The following R3HDM2 variants were observed in gnomAD, a reference collection of about 807,000 sequenced individuals.
R3HDM2 encodes R3H domain containing 2, also known as R3H domain-containing protein 2.
Under a neutral mutation model 124.5 loss-of-function variants are expected in R3HDM2, and 38 were observed. The ratio of observed to expected loss-of-function variants is 0.31; its 90% CI spans 0.24 to 0.40. The LOEUF is 0.40. Among genes scored for constraint, R3HDM2 ranks in the 10% least tolerant of loss-of-function variants. The probability of loss-of-function intolerance (pLI) is 1.00; values close to 1 mark genes in which losing one functional copy is unlikely to be tolerated. For synonymous variants in R3HDM2, 391 were observed against 448.0 expected (o/e 0.87, Z 1.61); for missense variants, 869 against 1,236.9 (o/e 0.70, Z 4.46).
intron 3 of R3HDM2, among the ~76,000 whole-genome samples, chr12:57,309,200 C>T (rs1412217794): frequency 6.6e-6 from 1 of 152,026 alleles, no homozygotes; most frequent in East Asian, 1.9e-4. Context: ...GTTTCCAGAC[C>T]CTCTAAAATG....
intron 3 of R3HDM2, 31 bp downstream of exon 3, chr12:57,310,233 A>G: frequency 3.4e-6 from 4 of 1,166,234 alleles, no homozygotes; most frequent in African/African-American, 3.2e-5. Context: ...AAAAAAAAAA[A>G]GTGTGCATAC....
rs553697541 is a variant in R3HDM2 at position 57,423,638 on chromosome 12, C to A, written c.-106+7082G>T. Among the ~76,000 whole-genome samples the A allele has an allele frequency of 6.1e-3, 918 of 151,432 alleles. 11 individuals carry two copies. The highest frequency in any genetic ancestry group is 0.021 in the African/African-American group (873 of 41,250). ...ACCACCCTGGCCAACATGGTGAAAC[C>A]CCATCTCTACTAAAAATACAAAAAT... On this transcript the variant is annotated intron_variant, in intron 1 of 23. Coordinates refer to ENST00000402412, the MANE Select transcript of R3HDM2 (RefSeq NM_001394031.1).
rs1479080073 is a variant in R3HDM2, at chr12:57,404,479, C to T, written c.-105-8661G>A. Among the ~76,000 whole-genome samples the T allele has an allele frequency of 5.3e-5, 8 of 150,886 alleles. No homozygotes were observed. The Middle Eastern group carries it at 0.011, about 201-fold the overall frequency. On this transcript the variant is annotated intron_variant, in intron 1 of 23. Transcript: ENST00000402412. ...TTGGGAGGCCGAGGAGGGCAGATCA[C>T]GAGGTCAAGAGATCGAGACCATCCT...
At chr12:57,412,256 T>C (rs1482502751) in intron 1 of R3HDM2, among the ~76,000 whole-genome samples, 3 of 151,958 alleles carry the variant, frequency 2.0e-5, no homozygotes, top group Non-Finnish European at 4.4e-5. Flanking sequence ...AAACACAAAG[T>C]ATTGGCCGGG....
At position 57,372,749 on chromosome 12, in the gene R3HDM2, C is replaced by T. The variant is rs564426188; in HGVS notation, c.-36+23000G>A. ...CAATTTAGACTTCTACTAATTATGCCTCTAGTACTGAGATAGCACTCAATA... is the reference window on the plus strand; with the variant it reads ...CAATTTAGACTTCTACTAATTATGCTTCTAGTACTGAGATAGCACTCAATA... On this transcript the variant is annotated intron_variant, in intron 2 of 23. Coordinates refer to ENST00000402412, the MANE Select transcript of R3HDM2 (RefSeq NM_001394031.1). 7.2e-5 allele frequency among the ~76,000 whole-genome samples: 11 copies of T among 152,294 alleles called. No homozygotes were observed. In the South Asian group the frequency reaches 2.3e-3, roughly 32 times the overall value.
chr12:57,384,643 A>C (rs2065432722), intron 2 of R3HDM2, among the ~76,000 whole-genome samples: 1 of 152,218 alleles, frequency 6.6e-6, no homozygotes, highest in African/African-American at 2.4e-5. Flanking sequence ...TGGAGAAATG[A>C]ATGGCTTGAG....
At chr12:57,386,797 A>G (rs1304817682) in intron 2 of R3HDM2, among the ~76,000 whole-genome samples, 1 of 151,986 alleles carries the variant, frequency 6.6e-6, no homozygotes, top group Non-Finnish European at 1.5e-5. Context: ...ACCAATCAGC[A>G]CTCTGTATCT....
In R3HDM2 at chr12:57,296,691, T is replaced by G; in HGVS notation, c.561-140A>C. On this transcript the variant is annotated intron_variant, in intron 8 of 23. Transcript: ENST00000402412. The surrounding 1 kb of genome is among the most constrained non-coding windows in gnomAD (Gnocchi z 4.5). ...TATTATAAGGAATATAGATATTTAC[T>G]AAATGGGAACCAAATAGGTTTTTCT... is the stretch of plus-strand genomic sequence containing the variant. 1.1e-6 allele frequency: 1 copy of G among 883,394 alleles called. No individual in the cohort carries two copies. Among genetic ancestry groups the G allele is most frequent in the Non-Finnish European group, 1.7e-6 (1 of 597,252 alleles). The allele number at this position is 883,394 out of a possible 1,614,324, so 54.7% of individuals were successfully genotyped here. A position where few individuals can be genotyped will look rare whatever the true frequency, so the allele number is the denominator to read the frequency against.
chr12:57,396,765 G>C (rs531783945), intron 1 of R3HDM2, among the ~76,000 whole-genome samples: 7 of 113,616 alleles, frequency 6.2e-5, no homozygotes, highest in Non-Finnish European at 1.0e-4. Flanking sequence ...GTGACAGAGT[G>C]AGACTCTGTC....
chr12:57,283,941 G>A lies in R3HDM2; in HGVS notation c.1054C>T (p.Arg352Trp), dbSNP rs764136138. The A allele has an allele frequency of 5.6e-6, 9 of 1,613,972 alleles. No homozygotes were observed. The highest frequency in any genetic ancestry group is 2.2e-5 in the South Asian group (2 of 91,082). The stretch of plus-strand genomic sequence containing the variant: ...TTGGTGACAGGGGGTCGCATGCTCC[G>A]GACAGAGCCATCAGAGTCTGTGCTG... ...WSSTDSDGSV[R>W]SMRPPVTKAS... Residue 352 changes from arginine (R) to tryptophan (W), a missense_variant, in exon 13 of 24, where the codon CGG becomes TGG. Coordinates refer to ENST00000402412, the MANE Select transcript of R3HDM2 (RefSeq NM_001394031.1).
intron 14 of R3HDM2, among the ~76,000 whole-genome samples, chr12:57,271,316 T>C (rs2043536410): frequency 6.6e-6 from 1 of 152,208 alleles, no homozygotes; most frequent in Non-Finnish European, 1.5e-5. Flanking sequence ...CAGGCTGTAA[T>C]TGCCTTCTCT....
chr12:57,336,752 A>C (rs768549360), intron 2 of R3HDM2, among the ~76,000 whole-genome samples: 1 of 151,948 alleles, frequency 6.6e-6, no homozygotes, highest in Non-Finnish European at 1.5e-5. Context: ...TATGTATAAC[A>C]AACCCCTGTG....
intron 13 of R3HDM2, among the ~76,000 whole-genome samples, chr12:57,280,930 T>TAGAGAG (rs113415134): frequency 6.6e-6 from 1 of 150,972 alleles, no homozygotes; most frequent in Non-Finnish European, 1.5e-5. Context: ...GTCCTTTTGC[T>TAGAGAG]AGAGAGAGAG....
At chr12:57,310,716 A>G (rs1245483577) in intron 2 of R3HDM2, among the ~76,000 whole-genome samples, 1 of 152,138 alleles carries the variant, frequency 6.6e-6, no homozygotes, top group Non-Finnish European at 1.5e-5. Flanking sequence ...CTGTGAAACC[A>G]TCACCCCAAT....
At chr12:57,354,927 C>T (rs965849308) in intron 2 of R3HDM2, among the ~76,000 whole-genome samples, 2 of 151,716 alleles carry the variant, frequency 1.3e-5, no homozygotes, top group African/African-American at 2.4e-5. Flanking sequence ...CAGACTCAAG[C>T]GATTCTCCCA....
rs115225483 is a variant in R3HDM2, at chr12:57,274,663, G to A, written c.1345-4669C>T. ...TACTCCACAGCTATCCTCAGCCATAGTTCTCTTCTTGAAGGGTGTAAAACT... is the reference window on the plus strand; with the variant it reads ...TACTCCACAGCTATCCTCAGCCATAATTCTCTTCTTGAAGGGTGTAAAACT... On this transcript the variant is annotated intron_variant, in intron 14 of 23. Coordinates refer to ENST00000402412, the MANE Select transcript of R3HDM2 (RefSeq NM_001394031.1). 2.8e-3 allele frequency among the ~76,000 whole-genome samples: 429 copies of A among 152,282 alleles called. 1 individual carries two copies. Among genetic ancestry groups the A allele is most frequent in the African/African-American group, 9.9e-3 (411 of 41,548 alleles).
intron 14 of R3HDM2, among the ~76,000 whole-genome samples, chr12:57,273,483 A>C (rs1227952581): frequency 6.6e-6 from 1 of 152,188 alleles, no homozygotes; most frequent in Non-Finnish European, 1.5e-5. Context: ...GGAAGGGGGG[A>C]AAATAACATT....
chr12:57,263,165 G>A (rs1006888142), intron 19 of R3HDM2, among the ~76,000 whole-genome samples: 1 of 152,138 alleles, frequency 6.6e-6, no homozygotes, highest in Non-Finnish European at 1.5e-5. Flanking sequence ...ATTTGAAGAT[G>A]AATAGATGTA....
chr12:57,376,052 TAAC>T (rs893787575), intron 2 of R3HDM2, among the ~76,000 whole-genome samples: 7 of 152,182 alleles, frequency 4.6e-5, no homozygotes, highest in Admixed American at 1.3e-4. Context: ...TTCTTACTAT[TAAC>T]AACAGACAGC....
Sources: gnomAD v4.1 joint callset for allele counts (sites outside exome capture counted in the v4.1 genomes callset) on GRCh38, gnomAD v4.1.1 for gene constraint, Gnocchi (gnomAD v3.1) non-coding constraint, MANE v1.5 for transcripts, NCBI Gene and HGNC (gene_info 2026-07-23, HGNC 2026-07-21) for gene names.